SLX4IP: variants seen among roughly 807,000 people sequenced by gnomAD.
SLX4IP encodes the protein SLX4 interacting protein.
Under a neutral mutation model 32.9 loss-of-function variants are expected in SLX4IP, and 34 were observed. That is an observed-to-expected ratio of 1.03 (90% confidence interval 0.79 to 1.38). SLX4IP has a LOEUF of 1.38. Ranked by LOEUF, SLX4IP falls within the 40% of genes most tolerant of loss-of-function variation. The pLI, the probability that SLX4IP is intolerant of heterozygous loss-of-function variation, is 0.00. For missense variants in SLX4IP, 444 were observed against 479.0 expected, an observed-to-expected ratio of 0.93 and a Z score of 0.68; for synonymous variants, 172 against 171.7, an observed-to-expected ratio of 1.00 and a Z score of -0.01.
At chr20:10,533,550 G>A (rs1337777125) in intron 2 of SLX4IP, among the ~76,000 whole-genome samples, 12 of 150,384 alleles carry the variant, frequency 8.0e-5, no homozygotes, top group East Asian at 7.9e-4. Context: ...ACTCCTGACC[G>A]CAGGTGATCC....
At chr20:10,491,136 A>T (rs1349994185) in intron 2 of SLX4IP, among the ~76,000 whole-genome samples, 5 of 152,114 alleles carry the variant, frequency 3.3e-5, no homozygotes, top group Admixed American at 3.3e-4. Flanking sequence ...TCACTTGCAG[A>T]TGTAATTCTT....
At chr20:10,514,502 A>G (rs2065834304) in intron 2 of SLX4IP, among the ~76,000 whole-genome samples, 1 of 152,216 alleles carries the variant, frequency 6.6e-6, no homozygotes, top group African/African-American at 2.4e-5. Flanking sequence ...TTCTGGTCAG[A>G]TTATGCTGAA....
intron 2 of SLX4IP, among the ~76,000 whole-genome samples, chr20:10,511,227 C>T (rs1273140677): frequency 6.6e-6 from 1 of 152,170 alleles, no homozygotes; most frequent in Non-Finnish European, 1.5e-5. Flanking sequence ...ACATATTTCC[C>T]CGTTCTTAAG....
At chr20:10,578,597 T>TA (rs2066548007) in intron 4 of SLX4IP, among the ~76,000 whole-genome samples, 1 of 152,226 alleles carries the variant, frequency 6.6e-6, no homozygotes, top group Non-Finnish European at 1.5e-5. Context: ...GCTATATACC[T>TA]ACGAATGGAA....
intron 2 of SLX4IP, among the ~76,000 whole-genome samples, chr20:10,531,844 T>C (rs1285594671): frequency 6.6e-6 from 1 of 152,202 alleles, no homozygotes; most frequent in Admixed American, 6.6e-5. Context: ...ACCAAGCCTT[T>C]GAGACAGAAG....
intron 4 of SLX4IP, among the ~76,000 whole-genome samples, chr20:10,566,757 A>G (rs907801722): frequency 2.0e-5 from 3 of 152,176 alleles, no homozygotes; most frequent in Non-Finnish European, 2.9e-5. Context: ...GAATTTTACA[A>G]GCCTACTGTC....
intron 4 of SLX4IP, among the ~76,000 whole-genome samples, chr20:10,562,052 C>T (rs559603622): frequency 3.4e-4 from 52 of 152,290 alleles, no homozygotes; most frequent in Admixed American, 2.2e-3. Flanking sequence ...TCCAATCCTG[C>T]AGCAGCGTCT....
intron 2 of SLX4IP, among the ~76,000 whole-genome samples, chr20:10,531,580 G>T (rs1243723010): frequency 6.6e-6 from 1 of 152,166 alleles, no homozygotes; most frequent in Non-Finnish European, 1.5e-5. Context: ...CAAAGTCCTT[G>T]GTCTCATGGA....
intron 6 of SLX4IP, among the ~76,000 whole-genome samples, chr20:10,615,454 C>A (rs1227519918): frequency 1.3e-5 from 2 of 152,134 alleles, no homozygotes; most frequent in African/African-American, 2.4e-5. Context: ...TCCTCCTCAT[C>A]TTCTCAACTT....
At chr20:10,496,265 A>C (rs1223671555) in intron 2 of SLX4IP, among the ~76,000 whole-genome samples, 4 of 152,132 alleles carry the variant, frequency 2.6e-5, no homozygotes, top group Non-Finnish European at 5.9e-5. Context: ...CCGAGCATTG[A>C]TCATTTCTAC....
At chr20:10,618,501 A>G (rs2067065427) in intron 6 of SLX4IP, among the ~76,000 whole-genome samples, 3 of 152,230 alleles carry the variant, frequency 2.0e-5, no homozygotes, top group Admixed American at 2.0e-4. Flanking sequence ...TCCTTGGCCC[A>G]AGTGTAAGAG....
At chr20:10,560,122 C>T (rs892517174) in intron 3 of SLX4IP, among the ~76,000 whole-genome samples, 8 of 152,194 alleles carry the variant, frequency 5.3e-5, no homozygotes, top group African/African-American at 1.9e-4. Context: ...CAACACTGTG[C>T]CTATAAACAT....
chr20:10,541,285 A>G (rs2066102861), intron 2 of SLX4IP, among the ~76,000 whole-genome samples: 1 of 152,198 alleles, frequency 6.6e-6, no homozygotes, highest in African/African-American at 2.4e-5. Context: ...ATTCCCTCAC[A>G]TGTGGTCCTT....
intron 2 of SLX4IP, among the ~76,000 whole-genome samples, chr20:10,521,564 G>T (rs1187047827): frequency 6.6e-6 from 1 of 152,046 alleles, no homozygotes; most frequent in South Asian, 2.1e-4. Context: ...CCTGCTCAAG[G>T]CTACTGAAAA....
chr20:10,526,434 A>G (rs757236686), intron 2 of SLX4IP, among the ~76,000 whole-genome samples: 57 of 152,224 alleles, frequency 3.7e-4, no homozygotes, highest in Non-Finnish European at 6.8e-4. Context: ...TAATTCATTA[A>G]CAAGTAAAAT....
intron 2 of SLX4IP, 53 bp from the exon 3 acceptor site, chr20:10,556,178 G>T (rs1169971573): frequency 3.3e-6 from 5 of 1,523,960 alleles, no homozygotes; most frequent in Middle Eastern, 1.7e-4. Context: ...TTCTCTCATT[G>T]TTTGCTGGGC....
At chr20:10,573,923 A>G (rs2066494197) in intron 4 of SLX4IP, among the ~76,000 whole-genome samples, 1 of 152,246 alleles carries the variant, frequency 6.6e-6, no homozygotes, top group Non-Finnish European at 1.5e-5. Flanking sequence ...AATGCCAATA[A>G]GTTGTCTGGT....
chr20:10,608,422 T>G (rs532898407), intron 6 of SLX4IP, among the ~76,000 whole-genome samples: 2 of 152,092 alleles, frequency 1.3e-5, no homozygotes, highest in South Asian at 4.2e-4. Flanking sequence ...TCCCAGCACT[T>G]TGGGAGGCCG....
chr20:10,533,963 C>T (rs74874356), intron 2 of SLX4IP, among the ~76,000 whole-genome samples: 6,494 of 152,184 alleles, frequency 0.043, 191 homozygotes, highest in South Asian at 0.14. Flanking sequence ...TTTGTGTTGT[C>T]TGATTTTCAC....
Sources: gnomAD v4.1 joint callset for allele counts (sites outside exome capture counted in the v4.1 genomes callset) on GRCh38, gnomAD v4.1.1 for gene constraint, MANE v1.5 for transcripts, NCBI Gene and HGNC (gene_info 2026-07-23, HGNC 2026-07-21) for gene names.